Variants in PDE1C observed in about 807,000 individuals in gnomAD.
PDE1C encodes the protein dual specificity calcium/calmodulin-dependent 3',5'-cyclic nucleotide phosphodiesterase 1C.
Under a neutral mutation model 93.1 loss-of-function variants are expected in PDE1C, and 62 were observed. That is an observed-to-expected ratio of 0.67 (90% CI 0.54 to 0.82). The LOEUF (loss-of-function observed/expected upper bound fraction) is 0.82. Ranked by LOEUF, PDE1C falls within the 40% of genes least tolerant of loss-of-function variation. PDE1C has a pLI of 0.00. For missense variants in PDE1C, 742 were observed against 884.6 expected, an observed-to-expected ratio of 0.84 and a Z score of 2.04; for synonymous variants, 325 against 310.1, an observed-to-expected ratio of 1.05 and a Z score of -0.50.
intron 1 of PDE1C, chr7:32,209,618 C>G: frequency 8.3e-7 from 1 of 1,203,956 alleles, no homozygotes; most frequent in African/African-American, 1.5e-5. Context: ...AGCCAATCCC[C>G]TGGATGCTTT....
chr7:32,056,380 C>CTG, intron 1 of PDE1C, among the ~76,000 whole-genome samples: 1 of 150,608 alleles, frequency 6.6e-6, no homozygotes, highest in East Asian at 1.9e-4. Context: ...CACACACACA[C>CTG]ACACACACAC....
At chr7:32,064,527 G>A (rs186539275) in intron 1 of PDE1C, among the ~76,000 whole-genome samples, 39 of 152,232 alleles carry the variant, frequency 2.6e-4, no homozygotes, top group African/African-American at 7.9e-4. Flanking sequence ...CTGGTCTCCA[G>A]GCCTCGAGTC....
chr7:31,639,103 T>A, the PDE1C span, among the ~76,000 whole-genome samples: 1 of 152,124 alleles, frequency 6.6e-6, no homozygotes, highest in African/African-American at 2.4e-5. Context: ...TGTGCCTTGG[T>A]GTAGTTTTCT....
At chr7:32,058,551 A>C (rs963747904) in intron 1 of PDE1C, among the ~76,000 whole-genome samples, 1 of 152,214 alleles carries the variant, frequency 6.6e-6, no homozygotes, top group African/African-American at 2.4e-5. Context: ...GGATATCTCT[A>C]GAAACTTCTA....
At chr7:32,132,544 T>C (rs1389834093) in intron 3 of PDE1C, among the ~76,000 whole-genome samples, 1 of 152,092 alleles carries the variant, frequency 6.6e-6, no homozygotes, top group African/African-American at 2.4e-5. Context: ...CACATGCCTA[T>C]AGTCCCAGCT....
chr7:31,644,271 C>T, the PDE1C span, among the ~76,000 whole-genome samples: 1 of 140,656 alleles, frequency 7.1e-6, no homozygotes, highest in East Asian at 2.2e-4. Context: ...ATCTGTAACT[C>T]ATCTCCAGTT....
chr7:31,852,970 C>A (rs374687957), intron 7 of PDE1C, among the ~76,000 whole-genome samples: 1 of 136,258 alleles, frequency 7.3e-6, no homozygotes, highest in Non-Finnish European at 1.5e-5. Flanking sequence ...TCTAAGGTCA[C>A]GTAAAGTTAA....
chr7:31,934,831 C>A (rs1305634393), intron 2 of PDE1C, among the ~76,000 whole-genome samples: 1 of 152,142 alleles, frequency 6.6e-6, no homozygotes, highest in African/African-American at 2.4e-5. Context: ...TATAGGATCT[C>A]TGTGGGCCAG....
intron 1 of PDE1C, among the ~76,000 whole-genome samples, chr7:32,218,500 C>T (rs538377340): frequency 6.6e-6 from 1 of 152,206 alleles, no homozygotes; most frequent in South Asian, 2.1e-4. Context: ...GGGTATCACA[C>T]AGACAGAGGG....
the PDE1C span, among the ~76,000 whole-genome samples, chr7:31,634,186 T>TAGTCC: frequency 6.6e-6 from 1 of 152,204 alleles, no homozygotes; most frequent in Non-Finnish European, 1.5e-5. Context: ...GTCAGTAGAG[T>TAGTCC]AGTCCTGCCC....
chr7:31,675,651 C>T, the PDE1C span, among the ~76,000 whole-genome samples: 2 of 151,704 alleles, frequency 1.3e-5, no homozygotes, highest in Non-Finnish European at 2.9e-5. Context: ...GCAATGGCAG[C>T]AGAATACCAA....
intron 6 of PDE1C, among the ~76,000 whole-genome samples, chr7:31,871,240 G>A (rs1262545105): frequency 1.3e-5 from 2 of 151,630 alleles, no homozygotes; most frequent in South Asian, 2.1e-4. Flanking sequence ...AATCTATTAC[G>A]GACTTAAACA....
At chr7:31,687,637 A>T in the PDE1C span, among the ~76,000 whole-genome samples, 4 of 152,196 alleles carry the variant, frequency 2.6e-5, no homozygotes, top group Non-Finnish European at 5.9e-5. Context: ...CTCAAAACAC[A>T]TTCTCCATGC....
intron 16 of PDE1C, among the ~76,000 whole-genome samples, chr7:31,808,706 A>G (rs1787167174): frequency 6.6e-6 from 1 of 152,052 alleles, no homozygotes. Flanking sequence ...ATACATTAGC[A>G]GTATATGATA....
At chr7:31,907,738 T>C (rs139658387) in intron 2 of PDE1C, among the ~76,000 whole-genome samples, 123 of 152,230 alleles carry the variant, frequency 8.1e-4, no homozygotes, top group African/African-American at 2.7e-3. Context: ...TTATTATACA[T>C]AGCTGGAAAA....
upstream of PDE1C, among the ~76,000 whole-genome samples, chr7:32,303,221 T>A (rs904322615): frequency 1.3e-5 from 2 of 152,172 alleles, no homozygotes; most frequent in African/African-American, 2.4e-5. Context: ...GTCCCTTTTG[T>A]GAGTGATCCA....
intron 16 of PDE1C, among the ~76,000 whole-genome samples, chr7:31,801,768 A>G (rs1238251198): frequency 1.3e-5 from 2 of 151,494 alleles, no homozygotes; most frequent in Non-Finnish European, 3.0e-5. Context: ...CTTTGTTCTG[A>G]TATCTACTGT....
chr7:32,248,894 T>A (rs555229526), intron 1 of PDE1C, among the ~76,000 whole-genome samples: 162 of 152,278 alleles, frequency 1.1e-3, no homozygotes, highest in African/African-American at 3.7e-3. Flanking sequence ...AGACCAGACA[T>A]GAGACATGTT....
chr7:32,167,948 A>G (rs1410635404), intron 3 of PDE1C, among the ~76,000 whole-genome samples: 1 of 152,184 alleles, frequency 6.6e-6, no homozygotes, highest in Non-Finnish European at 1.5e-5. Context: ...TATGCACAAC[A>G]AATCTCACAG....
Sources: gnomAD v4.1 joint callset for allele counts (sites outside exome capture counted in the v4.1 genomes callset) on GRCh38, gnomAD v4.1.1 for gene constraint, MANE v1.5 for transcripts, NCBI Gene and HGNC (gene_info 2026-07-23, HGNC 2026-07-21) for gene names.